DAP: variants seen among roughly 807,000 people sequenced by gnomAD.
The protein encoded by DAP is death associated protein.
DAP carries 8 observed loss-of-function variants against 13.8 expected under a neutral mutation model. That is an observed-to-expected ratio of 0.58 (90% CI 0.34 to 1.05). DAP has a LOEUF of 1.05. Ranked by LOEUF, DAP falls within the 50% of genes least tolerant of loss-of-function variation. The pLI is 0.03. For synonymous variants in DAP, 47 were observed against 47.5 expected, an observed-to-expected ratio of 0.99 and a Z score of 0.04; for missense variants, 106 against 133.2, an observed-to-expected ratio of 0.80 and a Z score of 1.01.
chr5:10,690,997 T>C (rs949029981), intron 2 of DAP, among the ~76,000 whole-genome samples: 2 of 152,230 alleles, frequency 1.3e-5, no homozygotes, highest in African/African-American at 4.8e-5. Flanking sequence ...TCTATTCTAA[T>C]GGGTGTGAGG....
At chr5:10,716,847 G>T (rs1739002541) in intron 2 of DAP, among the ~76,000 whole-genome samples, 3 of 152,152 alleles carry the variant, frequency 2.0e-5, no homozygotes, top group Admixed American at 6.5e-5. Context: ...TTGGTACCAG[G>T]AGTGGTTGTA....
chr5:10,737,458 G>A lies in DAP; in HGVS notation c.152+10717C>T, dbSNP rs147646498. ...TACTGAAATCTCCACACACATGGTA[G>A]AGAACAGGGACACGCCCCTCTTAAA... On this transcript the variant is annotated intron_variant, in intron 2 of 3. Transcript: ENST00000230895. 3.1e-3 allele frequency among the ~76,000 whole-genome samples: 475 copies of A among 152,212 alleles called. 1 individual carries two copies. Among genetic ancestry groups the A allele is most frequent in the African/African-American group, 0.01 (427 of 41,542 alleles).
chr5:10,759,136 A>G lies in DAP; in HGVS notation c.55+1878T>C, dbSNP rs186910870. ...TAGAAGGCGGAGGTTGCAGTGAGCCAAGATCGTGCCACTGCACTCCCAGGT... is the reference window on the plus strand; with the variant it reads ...TAGAAGGCGGAGGTTGCAGTGAGCCGAGATCGTGCCACTGCACTCCCAGGT... On this transcript the variant is annotated intron_variant, in intron 1 of 3. Transcript: ENST00000230895. Among the ~76,000 whole-genome samples the G allele has an allele frequency of 3.9e-5, 6 of 152,376 alleles. No homozygotes were observed. The East Asian group carries it at 1.2e-3, about 29-fold the overall frequency.
intron 1 of DAP, among the ~76,000 whole-genome samples, chr5:10,757,466 G>T (rs1027921050): frequency 2.6e-5 from 4 of 152,072 alleles, no homozygotes; most frequent in Admixed American, 6.5e-5. Context: ...TAGAGACGGG[G>T]TTTCACCATG....
chr5:10,709,817 C>T (rs1032349218), intron 2 of DAP, among the ~76,000 whole-genome samples: 6 of 152,318 alleles, frequency 3.9e-5, no homozygotes, highest in Non-Finnish European at 7.3e-5. Context: ...CCAGGGAATA[C>T]CCCCAAAGGG....
chr5:10,691,731 T>C (rs1037964456), intron 2 of DAP, among the ~76,000 whole-genome samples: 5 of 152,302 alleles, frequency 3.3e-5, no homozygotes, highest in East Asian at 1.9e-4. Flanking sequence ...ACTACACTTA[T>C]TTAAATTGAA....
intron 2 of DAP, among the ~76,000 whole-genome samples, chr5:10,687,985 T>C (rs972787627): frequency 1.3e-5 from 2 of 150,502 alleles, no homozygotes; most frequent in Admixed American, 6.6e-5. Context: ...GTGTGATCTC[T>C]GCTCACTGCA....
intron 2 of DAP, among the ~76,000 whole-genome samples, chr5:10,727,326 C>T (rs1739313715): frequency 6.6e-6 from 1 of 152,116 alleles, no homozygotes; most frequent in South Asian, 2.1e-4. Context: ...AGGGGAAGTC[C>T]CAGGTGCCTG....
intron 2 of DAP, among the ~76,000 whole-genome samples, chr5:10,739,824 T>C (rs1028802247): frequency 1.9e-4 from 28 of 144,864 alleles, no homozygotes; most frequent in South Asian, 4.3e-4. Flanking sequence ...CACACACGAA[T>C]GGGTTTGAAC....
At chr5:10,688,156 TC>T (rs1456644089) in intron 2 of DAP, among the ~76,000 whole-genome samples, 1 of 152,082 alleles carries the variant, frequency 6.6e-6, no homozygotes, top group Non-Finnish European at 1.5e-5. Context: ...CCTCAAGTGA[TC>T]TACCCACCTT....
At chr5:10,699,820 T>C (rs936627558) in intron 2 of DAP, among the ~76,000 whole-genome samples, 3 of 152,224 alleles carry the variant, frequency 2.0e-5, no homozygotes, top group African/African-American at 7.2e-5. Flanking sequence ...CCTTCCTGCT[T>C]CTCCCAAAGG....
intron 2 of DAP, among the ~76,000 whole-genome samples, chr5:10,687,131 C>T (rs1294370695): frequency 3.9e-5 from 6 of 152,130 alleles, no homozygotes; most frequent in African/African-American, 1.4e-4. Flanking sequence ...ATTTTAAGCC[C>T]ACTGTTGAGA....
rs763159353 is a variant in DAP, at chr5:10,748,229, G to A, written c.98C>T (p.Thr33Ile). 1.2e-6 allele frequency: 2 copies of A among 1,614,124 alleles called. No individual in the cohort carries two copies. The highest frequency in any genetic ancestry group is 8.5e-7 in the Non-Finnish European group (1 of 1,179,960). Residue 33 changes from threonine to isoleucine, a missense_variant, in exon 2 of 4, where the codon ACA (threonine) becomes ATA (isoleucine). Thr to Ile is a moderately conservative substitution (Grantham distance 89). Coordinates refer to ENST00000230895, the MANE Select transcript of DAP (RefSeq NM_004394.3). ...GTCTTTCTCTTCTTTGGTGTCTCCT[G>A]TATGTGGGTGTTTCTGCACAATTCG... ...GMRIVQKHPH[T>I]GDTKEEKDKD... is the part of the protein sequence containing the mutation.
At chr5:10,760,377 G>GCTTA (rs928843934) in intron 1 of DAP, among the ~76,000 whole-genome samples, 4 of 152,110 alleles carry the variant, frequency 2.6e-5, no homozygotes, top group African/African-American at 9.7e-5. Flanking sequence ...CATGAAGGCT[G>GCTTA]CTTAGATCCC....
chr5:10,711,121 C>T (rs5745236), intron 2 of DAP, among the ~76,000 whole-genome samples: 59 of 152,220 alleles, frequency 3.9e-4, no homozygotes, highest in African/African-American at 1.4e-3. Context: ...TAAATATGGC[C>T]ATGGGGTCCA....
chr5:10,714,725 T>G (rs1364948409), intron 2 of DAP, among the ~76,000 whole-genome samples: 3 of 152,198 alleles, frequency 2.0e-5, no homozygotes, highest in African/African-American at 7.2e-5. Context: ...GGTGGATTTC[T>G]CATGAACGGT....
rs1013332278 is a variant in DAP, at chr5:10,733,165, T to C, written c.152+15010A>G. Among the ~76,000 whole-genome samples the C allele has an allele frequency of 3.0e-3, 207 of 70,164 alleles. 1 individual carries two copies. Among genetic ancestry groups the C allele is most frequent in the African/African-American group, 8.8e-3 (194 of 21,964 alleles). The allele number at this position is 70,164 out of a possible 152,430, so 46.0% of individuals were successfully genotyped here. On this transcript the variant is annotated intron_variant, in intron 2 of 3. Transcript: ENST00000230895. ...TGAATAATATTCCTGCGTGTGTGTG[T>C]GTGTGTGTGTGTGTGTGTGTGTGTG...
At chr5:10,716,955 G>C (rs2126655950) in intron 2 of DAP, among the ~76,000 whole-genome samples, 2 of 152,280 alleles carry the variant, frequency 1.3e-5, no homozygotes, top group South Asian at 4.1e-4. Context: ...TAAGGACTCT[G>C]CTTCTAATAG....
chr5:10,746,725 A>G (rs1739915007), intron 2 of DAP, among the ~76,000 whole-genome samples: 1 of 152,222 alleles, frequency 6.6e-6, no homozygotes, highest in Admixed American at 6.5e-5. Context: ...GACAATAATC[A>G]CTAATAATCA....
Sources: gnomAD v4.1 joint callset for allele counts (sites outside exome capture counted in the v4.1 genomes callset) on GRCh38, gnomAD v4.1.1 for gene constraint, MANE v1.5 for transcripts, NCBI Gene and HGNC (gene_info 2026-07-23, HGNC 2026-07-21) for gene names.